The following ANO4 variants were observed in gnomAD, a reference collection of about 807,000 sequenced individuals.
ANO4 encodes the protein anoctamin-4.
In ANO4, 69 loss-of-function variants were observed where a neutral mutation model predicts 141.9. That is an observed-to-expected ratio of 0.49 (90% CI 0.40 to 0.59). The LOEUF (loss-of-function observed/expected upper bound fraction) is 0.59. Ranked by LOEUF, ANO4 falls within the 20% of genes least tolerant of loss-of-function variation. ANO4 has a pLI of 0.00. For missense variants in ANO4, 894 were observed against 1,162.2 expected, an observed-to-expected ratio of 0.77 and a Z score of 3.36; for synonymous variants, 350 against 394.3, an observed-to-expected ratio of 0.89 and a Z score of 1.33.
At chr12:101,012,200 C>G (rs1301685185) in intron 8 of ANO4, among the ~76,000 whole-genome samples, 2 of 152,112 alleles carry the variant, frequency 1.3e-5, no homozygotes, top group Non-Finnish European at 2.9e-5. Flanking sequence ...TAGAGTAGAG[C>G]ATGAGACAGA....
chr12:101,070,784 A>G (rs1817115102), intron 14 of ANO4, among the ~76,000 whole-genome samples: 1 of 152,222 alleles, frequency 6.6e-6, no homozygotes, highest in African/African-American at 2.4e-5. Context: ...TAAGGGATTA[A>G]TAACCAGAAT....
At chr12:101,002,123 T>A (rs1207267953) in intron 8 of ANO4, among the ~76,000 whole-genome samples, 1 of 152,168 alleles carries the variant, frequency 6.6e-6, no homozygotes, top group Non-Finnish European at 1.5e-5. Flanking sequence ...GCCACTTAGA[T>A]GAACAATTAC....
At chr12:100,933,559 A>G (rs2042167666) in intron 3 of ANO4, among the ~76,000 whole-genome samples, 1 of 152,210 alleles carries the variant, frequency 6.6e-6, no homozygotes, top group Admixed American at 6.5e-5. Flanking sequence ...TTGCTATTGC[A>G]AATAGTGCCA....
At chr12:101,040,285 A>G (rs1030386037) in intron 11 of ANO4, among the ~76,000 whole-genome samples, 1 of 152,206 alleles carries the variant, frequency 6.6e-6, no homozygotes, top group Non-Finnish European at 1.5e-5. Context: ...AATTTCCCCC[A>G]AAAAGAGTCT....
chr12:100,975,102 A>G (rs2044105072), intron 7 of ANO4, among the ~76,000 whole-genome samples: 1 of 151,328 alleles, frequency 6.6e-6, no homozygotes, highest in Non-Finnish European at 1.5e-5. Context: ...ACTTCTTCCC[A>G]CTTGGGGGGA....
intron 14 of ANO4, among the ~76,000 whole-genome samples, chr12:101,059,101 C>G (rs2048244071): frequency 7.9e-5 from 12 of 152,172 alleles, no homozygotes; most frequent in Admixed American, 7.9e-4. Flanking sequence ...AAGGCCTTTT[C>G]TGTATCTATT....
chr12:100,772,467 C>A (rs78437202), intron 3 of ANO4, among the ~76,000 whole-genome samples: 1 of 152,062 alleles, frequency 6.6e-6, no homozygotes, highest in African/African-American at 2.4e-5. Flanking sequence ...CCAACACAGA[C>A]GACATGTGAT....
intron 3 of ANO4, among the ~76,000 whole-genome samples, chr12:100,769,015 A>G (rs2033194556): frequency 6.6e-6 from 1 of 152,202 alleles, no homozygotes; most frequent in Admixed American, 6.5e-5. Context: ...TCAGGTAGCT[A>G]TTTACAATGT....
chr12:100,938,654 GA>G (rs2042384747), intron 3 of ANO4, among the ~76,000 whole-genome samples: 1 of 152,168 alleles, frequency 6.6e-6, no homozygotes, highest in Non-Finnish European at 1.5e-5. Context: ...CCTGTACCTA[GA>G]ACCGTGATAT....
At chr12:100,939,758 T>C (rs1277801913) in intron 4 of ANO4, among the ~76,000 whole-genome samples, 1 of 152,176 alleles carries the variant, frequency 6.6e-6, no homozygotes, top group Non-Finnish European at 1.5e-5. Context: ...TTTACAGGGA[T>C]GGGCTTCCTT....
At chr12:100,912,124 G>A (rs370887086) in intron 2 of ANO4, among the ~76,000 whole-genome samples, 3 of 151,992 alleles carry the variant, frequency 2.0e-5, no homozygotes, top group African/African-American at 7.3e-5. Flanking sequence ...GGCCGGGCGC[G>A]GTGGCTCATA....
chr12:100,786,120 A>G (rs2033866948), intron 3 of ANO4, among the ~76,000 whole-genome samples: 1 of 152,170 alleles, frequency 6.6e-6, no homozygotes, highest in African/African-American at 2.4e-5. Context: ...CACTGATATT[A>G]GAGTTCATTC....
intron 1 of ANO4, among the ~76,000 whole-genome samples, chr12:100,881,265 C>G (rs1224416014): frequency 6.6e-6 from 1 of 150,386 alleles, no homozygotes; most frequent in Non-Finnish European, 1.5e-5. Flanking sequence ...GCACATGTAC[C>G]CTAAAACTTA....
At chr12:100,729,534 A>G (rs1201156382) in intron 1 of ANO4, among the ~76,000 whole-genome samples, 1 of 152,176 alleles carries the variant, frequency 6.6e-6, no homozygotes, top group African/African-American at 2.4e-5. Context: ...ACAAAGCCAC[A>G]TAGAGAAGAA....
intron 3 of ANO4, among the ~76,000 whole-genome samples, chr12:100,935,799 G>T (rs970916443): frequency 3.9e-5 from 6 of 152,192 alleles, no homozygotes; most frequent in Non-Finnish European, 8.8e-5. Flanking sequence ...ATTGGTTAGT[G>T]TTGGAAGTTG....
chr12:100,733,878 G>A, intron 2 of ANO4: 1 of 679,414 alleles, frequency 1.5e-6, no homozygotes, highest in Non-Finnish European at 2.7e-6. Context: ...GTGTCATTTT[G>A]ATTTTTTTAA....
chr12:100,791,217 A>G (rs1374577059), upstream of ANO4, among the ~76,000 whole-genome samples: 1 of 152,066 alleles, frequency 6.6e-6, no homozygotes, highest in Admixed American at 6.5e-5. Context: ...TGTCTCTACT[A>G]CAATACAGAA....
chr12:101,053,602 C>T (rs954093285), intron 14 of ANO4, among the ~76,000 whole-genome samples: 10 of 152,168 alleles, frequency 6.6e-5, no homozygotes, highest in African/African-American at 2.4e-4. Context: ...CCTCTGTCTT[C>T]ACCTGGCATT....
At chr12:100,946,877 T>A (rs2042747986) in intron 5 of ANO4, among the ~76,000 whole-genome samples, 1 of 151,572 alleles carries the variant, frequency 6.6e-6, no homozygotes, top group Non-Finnish European at 1.5e-5. Flanking sequence ...AAATCTAGAG[T>A]GTGTGGTTCA....
Sources: gnomAD v4.1 joint callset for allele counts (sites outside exome capture counted in the v4.1 genomes callset) on GRCh38, gnomAD v4.1.1 for gene constraint, MANE v1.5 for transcripts, NCBI Gene and HGNC (gene_info 2026-07-23, HGNC 2026-07-21) for gene names.